The following YEATS2 variants were observed in gnomAD, a reference collection of about 807,000 sequenced individuals.
The protein encoded by YEATS2 is YEATS domain containing 2.
Under a neutral mutation model 163.2 loss-of-function variants are expected in YEATS2, and 77 were observed. The ratio of observed to expected loss-of-function variants is 0.47; its 90% CI spans 0.39 to 0.57. The LOEUF (loss-of-function observed/expected upper bound fraction) is 0.57, where lower values mean the gene tolerates loss of function less well. Among genes scored for constraint, YEATS2 ranks in the 20% least tolerant of loss-of-function variants. The pLI is 0.00. For missense variants in YEATS2, 1,549 were observed against 1,729.8 expected (o/e 0.90, Z 1.85); for synonymous variants, 631 against 645.1 (o/e 0.98, Z 0.33).
chr3:183,735,684 C>T (rs1718258869), intron 7 of YEATS2, among the ~76,000 whole-genome samples: 1 of 142,024 alleles, frequency 7.0e-6, no homozygotes, highest in Non-Finnish European at 1.5e-5. Context: ...GTTTCTTTCT[C>T]CTTGTCATTT....
intron 1 of YEATS2, among the ~76,000 whole-genome samples, chr3:183,712,711 C>T (rs1409158182): frequency 6.6e-6 from 1 of 151,966 alleles, no homozygotes; most frequent in Non-Finnish European, 1.5e-5. Context: ...GAAAGGGAGC[C>T]ACCAGCCACA....
chr3:183,768,627 C>T (rs941029275), intron 15 of YEATS2, among the ~76,000 whole-genome samples: 1 of 152,060 alleles, frequency 6.6e-6, no homozygotes, highest in Admixed American at 6.6e-5. Context: ...GAGGATGACC[C>T]TGCCCTGCTC....
intron 8 of YEATS2, among the ~76,000 whole-genome samples, chr3:183,743,500 C>T (rs1719193545): frequency 6.6e-6 from 1 of 151,916 alleles, no homozygotes. Context: ...CCACTACACT[C>T]AGTTAATTTT....
At chr3:183,807,598 T>C (rs878924071) in intron 28 of YEATS2, 1 of 211,024 alleles carries the variant, frequency 4.7e-6, no homozygotes, top group Admixed American at 5.4e-5. Flanking sequence ...CTAACAGCTC[T>C]TCAGCATCTG....
intron 6 of YEATS2, among the ~76,000 whole-genome samples, chr3:183,726,824 G>A (rs937154877): frequency 1.3e-5 from 2 of 152,066 alleles, no homozygotes; most frequent in Non-Finnish European, 2.9e-5. Context: ...TTTCCAAGAC[G>A]GAGTTTTACT....
chr3:183,794,829 C>A lies in YEATS2; in HGVS notation c.3098-3094C>A, dbSNP rs1292873708. Among the ~76,000 whole-genome samples, 4 of 151,956 alleles carry A rather than the reference C, an allele frequency of 2.6e-5. No homozygotes were observed. The East Asian group carries it at 7.7e-4, about 29-fold the overall frequency. On this transcript the variant is annotated intron_variant, in intron 21 of 30. Transcript: ENST00000305135. ...AGGCATTTATACCCTTTTCTGGGCC[C>A]CATCTAGGGCTAGATTTGACTTTGA... is the stretch of plus-strand genomic sequence containing the variant.
chr3:183,805,467 CCCT>C (rs1726095229), intron 27 of YEATS2, among the ~76,000 whole-genome samples: 1 of 151,882 alleles, frequency 6.6e-6, no homozygotes, highest in Non-Finnish European at 1.5e-5. Context: ...GAAGCTCCAC[CCCT>C]CCTGTCCAAG....
chr3:183,755,423 A>G (rs1374623879), intron 11 of YEATS2, among the ~76,000 whole-genome samples: 2 of 152,110 alleles, frequency 1.3e-5, no homozygotes, highest in Non-Finnish European at 2.9e-5. Context: ...TGTCATTGGT[A>G]GGCAATTTTA....
chr3:183,775,961 AG>A lies in YEATS2; in HGVS notation c.2417del (p.Gly806GlufsTer42). ...CCAGTGGTGGGAGTGGTGCCGGAGGAGGAGGAGGAGGAGGAGGAGGAGGCGG... is the reference window on the plus strand; with the variant it reads ...CCAGTGGTGGGAGTGGTGCCGGAGGAGAGGAGGAGGAGGAGGAGGAGGCGG... Reference protein sequence around the residue: ...AASGGSGAGGGGGGGGGGGSG... With the variant: ...AASGGSGAGGXGGGGGGGGSG... On this transcript the variant is annotated frameshift_variant, in exon 18 of 31. Coordinates refer to ENST00000305135, the MANE Select transcript of YEATS2 (RefSeq NM_018023.5). LOFTEE classifies it high-confidence loss of function. 2 of 1,097,980 alleles carry A rather than the reference AG, an allele frequency of 1.8e-6. No homozygotes were observed. The highest frequency in any genetic ancestry group is 1.8e-5 in the South Asian group (1 of 55,762). 68.0% of individuals were successfully genotyped at this position (1,097,980 alleles called of 1,614,324 possible).
At chr3:183,746,392 T>G (rs1268926347) in intron 8 of YEATS2, among the ~76,000 whole-genome samples, 1 of 152,216 alleles carries the variant, frequency 6.6e-6, no homozygotes, top group Non-Finnish European at 1.5e-5. Context: ...GAATAAGGCT[T>G]TGTTTTATAA....
At chr3:183,797,536 C>G (rs1279619862) in intron 21 of YEATS2, among the ~76,000 whole-genome samples, 1 of 124,676 alleles carries the variant, frequency 8.0e-6, no homozygotes, top group Admixed American at 8.6e-5. Context: ...AACAGCCTGT[C>G]TCTAACACAA....
chr3:183,761,730 C>G, intron 14 of YEATS2, 116 bp downstream of exon 14: 1 of 919,016 alleles, frequency 1.1e-6, no homozygotes, highest in Admixed American at 2.1e-5. Flanking sequence ...ACTCCTCATT[C>G]TGAGACGTGC....
At chr3:183,730,995 G>A (rs1403072278) in intron 7 of YEATS2, among the ~76,000 whole-genome samples, 1 of 152,036 alleles carries the variant, frequency 6.6e-6, no homozygotes, top group Non-Finnish European at 1.5e-5. Flanking sequence ...GGAAAGATAA[G>A]GGTTGGTGGT....
chr3:183,707,183 C>T (rs756788489), intron 1 of YEATS2, among the ~76,000 whole-genome samples: 3 of 152,116 alleles, frequency 2.0e-5, no homozygotes, highest in Non-Finnish European at 4.4e-5. Context: ...AATACTCAAC[C>T]TGAATAAAAT....
chr3:183,731,848 C>T (rs1489750635), intron 7 of YEATS2, among the ~76,000 whole-genome samples: 1 of 152,226 alleles, frequency 6.6e-6, no homozygotes, highest in Non-Finnish European at 1.5e-5. Flanking sequence ...GTCTGCTGTG[C>T]CACGCCTGAG....
Position 183,756,147 on chromosome 3 carries a change from AC to A in YEATS2, c.1391-380del, listed in dbSNP as rs1237700800. ...TTTATCATATCAAGATTCAGCAGTT[AC>A]AAAAAAAGGTTCAGCAGTTTTGCAC... On this transcript the variant is annotated intron_variant, in intron 11 of 30. Coordinates refer to ENST00000305135, the MANE Select transcript of YEATS2 (RefSeq NM_018023.5). 2.0e-5 allele frequency among the ~76,000 whole-genome samples: 3 copies of A among 152,338 alleles called. No individual in the cohort carries two copies. In the East Asian group the frequency reaches 5.8e-4, roughly 29 times the overall value.
Position 183,790,956 on chromosome 3 carries a change from ATCT to A in YEATS2, c.3074_3076del (p.Ile1025_Ser1026delinsThr), listed in dbSNP as rs761317689. The A allele has an allele frequency of 1.1e-4, 171 of 1,613,710 alleles. No homozygotes were observed. Among genetic ancestry groups the A allele is most frequent in the Non-Finnish European group, 1.4e-4 (161 of 1,179,876 alleles). On this transcript the variant is annotated inframe_deletion, in exon 21 of 31. Coordinates refer to ENST00000305135, the MANE Select transcript of YEATS2 (RefSeq NM_018023.5). The stretch of plus-strand genomic sequence containing the variant: ...GTCCCTCGTGCCTACACCAAACCCC[ATCT>A]CTGGGAAAGCCACAGTATCCGGTGA...
chr3:183,787,952 G>A lies in YEATS2; in HGVS notation c.2913+1651G>A, dbSNP rs376381666. On this transcript the variant is annotated intron_variant, in intron 20 of 30. Transcript: ENST00000305135. ...CAGGAGGCAGAGCTTGCAGTGAGCC[G>A]AGATTGCGCCACTCCACTCCAGCCT... is the stretch of plus-strand genomic sequence containing the variant. Among the ~76,000 whole-genome samples, 20 of 152,158 alleles carry A rather than the reference G, an allele frequency of 1.3e-4. No homozygotes were observed. In the East Asian group the frequency reaches 2.9e-3, roughly 22 times the overall value.
intron 17 of YEATS2, among the ~76,000 whole-genome samples, chr3:183,774,122 A>T (rs1722742304): frequency 6.6e-6 from 1 of 152,206 alleles, no homozygotes; most frequent in Admixed American, 6.5e-5. Context: ...CCATCTACTT[A>T]TAGAAGCTGG....
Sources: allele counts gnomAD v4.1 joint callset (sites outside exome capture counted in the v4.1 genomes callset), GRCh38; gene constraint gnomAD v4.1.1; transcripts MANE v1.5; gene names NCBI Gene and HGNC (gene_info 2026-07-23, HGNC 2026-07-21).